Variants in ACYP1 observed in about 807,000 individuals in gnomAD.
The protein encoded by ACYP1 is acylphosphatase 1.
Under a neutral mutation model 10.4 loss-of-function variants are expected in ACYP1, and 8 were observed. The observed-to-expected ratio is 0.77, with a 90% confidence interval of 0.45 to 1.38. The LOEUF (loss-of-function observed/expected upper bound fraction) is 1.38. ACYP1 is among the 40% of genes most tolerant of loss of function. The probability of loss-of-function intolerance (pLI) is 0.00; values close to 1 mark genes in which losing one functional copy is unlikely to be tolerated. For synonymous variants in ACYP1, 38 were observed against 40.8 expected (o/e 0.93, Z 0.26); for missense variants, 93 against 117.3 (o/e 0.79, Z 0.96).
exon 1 of ACYP1, chr14:75,069,408 G>A: frequency 1.2e-6 from 1 of 846,326 alleles, no homozygotes; most frequent in Non-Finnish European, 1.7e-6. Context: ...CTTTGAAGGA[G>A]CTCCAGAAAA....
At position 75,063,458 on chromosome 14, in the gene ACYP1, C is replaced by A; in HGVS notation, c.84+12G>T. On this transcript the variant is annotated intron_variant, in intron 2 of 2. Transcript: ENST00000238618. ...ACCTAGGTTACCACCCCAAAGCCTGCAGGCCACATACCTGAGTATGCTTAC... is the reference window on the plus strand; with the variant it reads ...ACCTAGGTTACCACCCCAAAGCCTGAAGGCCACATACCTGAGTATGCTTAC... 1 of 1,611,592 alleles carries A rather than the reference C, an allele frequency of 6.2e-7. No individual in the cohort carries two copies. Among genetic ancestry groups the A allele is most frequent in the Non-Finnish European group, 8.5e-7 (1 of 1,178,050 alleles).
At chr14:75,063,212 T>C (rs552476701) in intron 2 of ACYP1, 52 of 462,638 alleles carry the variant, frequency 1.1e-4, no homozygotes, top group African/African-American at 7.8e-4. Context: ...TCTATTTCCC[T>C]TGGAAGAGAG....
At chr14:75,069,460 A>C in exon 1 of ACYP1, 2 of 551,360 alleles carry the variant, frequency 3.6e-6, no homozygotes, top group Non-Finnish European at 6.1e-6. Context: ...GCAGGGCTGG[A>C]CCGAGCTGCA....
At position 75,053,450 on chromosome 14, in the gene ACYP1, T is replaced by C. The variant is rs947251468; in HGVS notation, c.294A>G (p.Val98=). The change falls in exon 3 of 3, where the codon GTA becomes GTG. Residue 98 remains valine (V), a synonymous_variant. Coordinates refer to ENST00000238618, the MANE Select transcript of ACYP1 (RefSeq NM_001107.5). ...LKLDYSDFQI[V]K is the part of the protein sequence containing the mutation. Reference sequence around the variant, plus strand: ...AAAACTTAAATTCAGGCCATTATTTTACAATTTGGAAGTCTGAGTAATCCA... The same window carrying C: ...AAAACTTAAATTCAGGCCATTATTTCACAATTTGGAAGTCTGAGTAATCCA... 3.7e-6 allele frequency: 6 copies of C among 1,614,124 alleles called. No homozygotes were observed. Among genetic ancestry groups the C allele is most frequent in the Middle Eastern group, 1.7e-4 (1 of 6,060 alleles).
At chr14:75,055,696 A>G (rs1039002237) in intron 2 of ACYP1, among the ~76,000 whole-genome samples, 7 of 151,568 alleles carry the variant, frequency 4.6e-5, no homozygotes, top group African/African-American at 1.5e-4. Flanking sequence ...CTTCAAATCA[A>G]TAATCAAGAT....
At chr14:75,065,798 G>A (rs1893133165), upstream of ACYP1, among the ~76,000 whole-genome samples, 1 of 152,226 alleles carries the variant, frequency 6.6e-6, no homozygotes, top group Admixed American at 6.5e-5. Context: ...TGGGAAGACA[G>A]GGAAAGAGTT....
chr14:75,059,950 T>TG (rs1378130837), intron 2 of ACYP1: 1 of 256,252 alleles, frequency 3.9e-6, no homozygotes. Flanking sequence ...GTCAGGGGCA[T>TG]GGGGGAAGGA....
At chr14:75,060,140 G>A in intron 2 of ACYP1, 2 of 592,914 alleles carry the variant, frequency 3.4e-6, no homozygotes, top group Non-Finnish European at 6.0e-6. Context: ...AAGTAAGTGT[G>A]CTATATGGTT....
At chr14:75,062,032 C>T (rs1268595418) in intron 2 of ACYP1, among the ~76,000 whole-genome samples, 4 of 135,836 alleles carry the variant, frequency 2.9e-5, no homozygotes, top group African/African-American at 8.4e-5. Flanking sequence ...ACCCGGGAGG[C>T]GGACGTTGCG....
intron 2 of ACYP1, among the ~76,000 whole-genome samples, chr14:75,056,743 C>T (rs1279676409): frequency 6.6e-6 from 1 of 151,472 alleles, no homozygotes; most frequent in Non-Finnish European, 1.5e-5. Context: ...CAATTTAATA[C>T]ACCATATTAA....
At chr14:75,057,842 G>C (rs1357167135) in intron 2 of ACYP1, among the ~76,000 whole-genome samples, 13 of 150,000 alleles carry the variant, frequency 8.7e-5, no homozygotes, top group Non-Finnish European at 1.9e-4. Context: ...GTGGGTGCCT[G>C]TAATCCCAGC....
chr14:75,054,518 A>C (rs1892827800), intron 2 of ACYP1, among the ~76,000 whole-genome samples: 1 of 151,694 alleles, frequency 6.6e-6, no homozygotes, highest in African/African-American at 2.4e-5. Flanking sequence ...ATTTATGATT[A>C]GAATATTAAG....
chr14:75,057,136 T>A (rs1158601297), intron 2 of ACYP1, among the ~76,000 whole-genome samples: 1 of 151,604 alleles, frequency 6.6e-6, no homozygotes, highest in Admixed American at 6.6e-5. Context: ...ACACTAGAGC[T>A]AATTAACAGT....
intron 2 of ACYP1, among the ~76,000 whole-genome samples, chr14:75,057,449 A>G (rs1378995483): frequency 6.6e-6 from 1 of 151,580 alleles, no homozygotes; most frequent in Admixed American, 6.6e-5. Context: ...ATTCAACTCA[A>G]TCTCTATCAA....
rs550434414 is a variant in ACYP1 at position 75,058,135 on chromosome 14, G to A, written c.85-4476C>T. On this transcript the variant is annotated intron_variant, in intron 2 of 2. Transcript: ENST00000238618. ...CTGTGAGGCAGGGGTGGGAAGAGGT[G>A]GGGTACCAGGCTCTTTTTAACAACC... is the stretch of plus-strand genomic sequence containing the variant. Among the ~76,000 whole-genome samples the A allele has an allele frequency of 1.5e-3, 228 of 150,748 alleles. 11 individuals are homozygous for A. Among genetic ancestry groups the A allele is most frequent in the African/African-American group, 5.4e-3 (221 of 40,564 alleles).
At chr14:75,069,065 A>C in intron 1 of ACYP1, 1 of 825,234 alleles carries the variant, frequency 1.2e-6, no homozygotes, top group Non-Finnish European at 1.8e-6. Flanking sequence ...GGCTAGAATT[A>C]CCACGTGAGT....
In ACYP1 at chr14:75,063,980, A is replaced by G; in HGVS notation, c.-35T>C. On this transcript the variant is annotated 5_prime_UTR_variant, in exon 1 of 3. Coordinates refer to ENST00000238618, the MANE Select transcript of ACYP1 (RefSeq NM_001107.5). ...CTCCTTGTCTTCCCCACCGGCTGCC[A>G]GGATCACTCCGGGACCACCACGCCA... is the stretch of plus-strand genomic sequence containing the variant. 4 of 998,542 alleles carry G rather than the reference A, an allele frequency of 4.0e-6. No homozygotes were observed. Among genetic ancestry groups the G allele is most frequent in the Non-Finnish European group, 4.8e-6 (4 of 837,122 alleles). 61.9% of individuals were successfully genotyped at this position (998,542 alleles called of 1,614,324 possible).
intron 2 of ACYP1, among the ~76,000 whole-genome samples, chr14:75,058,660 G>T (rs1892943767): frequency 6.6e-6 from 1 of 151,216 alleles, no homozygotes. Context: ...ACTACAGCAG[G>T]CAGACATATA....
At chr14:75,058,400 G>A (rs764318226) in intron 2 of ACYP1, among the ~76,000 whole-genome samples, 1 of 151,306 alleles carries the variant, frequency 6.6e-6, no homozygotes. Context: ...AGTGAGCCGA[G>A]ATTGTGTCAC....
Sources: allele counts gnomAD v4.1 joint callset (sites outside exome capture counted in the v4.1 genomes callset), GRCh38; gene constraint gnomAD v4.1.1; transcripts MANE v1.5; gene names NCBI Gene and HGNC (gene_info 2026-07-23, HGNC 2026-07-21).